The following SLC12A4 variants were observed in gnomAD, a reference collection of about 807,000 sequenced individuals.
The protein encoded by SLC12A4 is electroneutral potassium-chloride cotransporter 1.
A neutral mutation model predicts 119.2 loss-of-function variants in SLC12A4; 84 were observed. The ratio of observed to expected loss-of-function variants is 0.70; its 90% confidence interval spans 0.59 to 0.85. SLC12A4 has a LOEUF of 0.85. Among genes scored for constraint, SLC12A4 ranks in the 40% least tolerant of loss-of-function variants. The pLI is 0.00. For synonymous variants in SLC12A4, 599 were observed against 604.6 expected (o/e 0.99, Z 0.14); for missense variants, 1,298 against 1,476.3 (o/e 0.88, Z 1.98).
Position 67,950,633 on chromosome 16 carries a change from A to C in SLC12A4, c.1454+21T>G. Reference sequence around the variant, plus strand: ...GGCCAAAGCCCAGCCGCTGCTAAAGAGGGGGGCCCAGCTCACTCACTTGTC... The same window carrying C: ...GGCCAAAGCCCAGCCGCTGCTAAAGCGGGGGGCCCAGCTCACTCACTTGTC... On this transcript the variant is annotated intron_variant, in intron 11 of 23. Transcript: ENST00000316341. The surrounding 1 kb of genome is among the most constrained non-coding windows in gnomAD (Gnocchi z 4.3). The C allele has an allele frequency of 6.2e-7, 1 of 1,610,884 alleles. No individual in the cohort carries two copies. The highest frequency in any genetic ancestry group is 2.2e-5 in the East Asian group (1 of 44,668).
rs1200874253 is a variant in SLC12A4 at position 67,967,151 on chromosome 16, A to G, written c.115+1288T>C. 2.0e-5 allele frequency among the ~76,000 whole-genome samples: 3 copies of G among 152,210 alleles called. No individual in the cohort carries two copies. The South Asian group carries it at 6.2e-4, about 31-fold the overall frequency. ...CTGTCAAGCCTGTAAAACCTCTGCA[A>G]TGTCCAGCAGCCCATGCCACTGTCC... On this transcript the variant is annotated intron_variant, in intron 1 of 23. Transcript: ENST00000316341.
In SLC12A4 at chr16:67,951,280, T is replaced by C. The variant is rs759740648; in HGVS notation, c.1157A>G (p.Glu386Gly). The C allele has an allele frequency of 6.2e-7, 1 of 1,613,836 alleles. No individual in the cohort carries two copies. Among genetic ancestry groups the C allele is most frequent in the South Asian group, 1.1e-5 (1 of 91,036 alleles). The change falls in exon 9 of 24, where the codon GAG becomes GGG. Residue 386 changes from glutamate to glycine, a missense_variant. Coordinates refer to ENST00000316341, the MANE Select transcript of SLC12A4 (RefSeq NM_005072.5). This position sits in a 1 kb window ranked among gnomAD's most constrained non-coding sequence, Gnocchi z 5.2. Reference sequence around the variant, plus strand: ...ATGCTTCTCCACGATGTCACCCTTCTCCAGGTAGGCGCTCCACAGGTTTTC... The same window carrying C: ...ATGCTTCTCCACGATGTCACCCTTCCCCAGGTAGGCGCTCCACAGGTTTTC... Reference protein sequence around the residue: ...LQENLWSAYLEKGDIVEKHGL... With the variant: ...LQENLWSAYLGKGDIVEKHGL...
Position 67,951,815 on chromosome 16 carries a change from G to A in SLC12A4, c.1132+8C>T. 1.2e-6 allele frequency: 2 copies of A among 1,607,872 alleles called. No homozygotes were observed. Among genetic ancestry groups the A allele is most frequent in the South Asian group, 1.1e-5 (1 of 90,446 alleles). ...CTCAAGAGCAAGACGACGGGAGGGAGGACCCACCCTGGAGCACACCAGCAG... is the reference window on the plus strand; with the variant it reads ...CTCAAGAGCAAGACGACGGGAGGGAAGACCCACCCTGGAGCACACCAGCAG... On this transcript the variant is annotated splice_region_variant and intron_variant, in intron 8 of 23. Coordinates refer to ENST00000316341, the MANE Select transcript of SLC12A4 (RefSeq NM_005072.5). The surrounding 1 kb of genome is among the most constrained non-coding windows in gnomAD (Gnocchi z 5.2).
In SLC12A4 at chr16:67,946,572, C is replaced by CTGG. The variant is rs750319534; in HGVS notation, c.2300_2302dup (p.Ala767_Ser768insThr). On this transcript the variant is annotated inframe_insertion, in exon 18 of 24. Coordinates refer to ENST00000316341, the MANE Select transcript of SLC12A4 (RefSeq NM_005072.5). ...GTGGGCCAGCCCCTCCCGCACCTTG[C>CTGG]TGGCCACCACCACCTGGCAGAAGCC... 1 of 1,612,954 alleles carries CTGG rather than the reference C, an allele frequency of 6.2e-7. No homozygotes were observed. The highest frequency in any genetic ancestry group is 8.5e-7 in the Non-Finnish European group (1 of 1,180,024).
rs752174109 is a variant in SLC12A4 at position 67,947,799 on chromosome 16, G to C, written c.1848-11C>G. On this transcript the variant is annotated splice_polypyrimidine_tract_variant and intron_variant, in intron 14 of 23. Coordinates refer to ENST00000316341, the MANE Select transcript of SLC12A4 (RefSeq NM_005072.5). Reference sequence around the variant, plus strand: ...AGGAAGGACAGCGCCCTGGACGAGAGGGGAGGGCAGAGTCAGGGCAGGACC... The same window carrying C: ...AGGAAGGACAGCGCCCTGGACGAGACGGGAGGGCAGAGTCAGGGCAGGACC... 3.2e-6 allele frequency: 5 copies of C among 1,578,718 alleles called. No individual in the cohort carries two copies.
chr16:67,962,506 G>A (rs888462536), intron 2 of SLC12A4: 3 of 152,270 alleles, frequency 2.0e-5, no homozygotes, highest in African/African-American at 7.2e-5. Context: ...AGTTGCTTTG[G>A]TGTGAGAAAG....
intron 1 of SLC12A4, among the ~76,000 whole-genome samples, chr16:67,965,820 A>G (rs753497344): frequency 6.6e-6 from 1 of 152,168 alleles, no homozygotes; most frequent in Non-Finnish European, 1.5e-5. Flanking sequence ...ATTCCAGTAG[A>G]GAGCATTTAC....
intron 3 of SLC12A4, among the ~76,000 whole-genome samples, chr16:67,958,882 T>A (rs915720764): frequency 3.9e-5 from 6 of 152,140 alleles, no homozygotes; most frequent in African/African-American, 1.4e-4. Flanking sequence ...GTGGAGTTGG[T>A]TCTCCCTCTC....
At chr16:67,964,164 G>A in intron 1 of SLC12A4, 1 of 1,415,408 alleles carries the variant, frequency 7.1e-7, no homozygotes, top group Non-Finnish European at 9.4e-7. Flanking sequence ...GCCTTCTAGG[G>A]TTGCCTAAGA....
In SLC12A4 at chr16:67,943,771, G is replaced by A; in HGVS notation, c.*1069C>T. The A allele has an allele frequency of 1.6e-6, 1 of 630,622 alleles. No homozygotes were observed. Among genetic ancestry groups the A allele is most frequent in the Non-Finnish European group, 2.7e-6 (1 of 369,388 alleles). The allele number at this position is 630,622 out of a possible 1,614,324, so 39.1% of individuals were successfully genotyped here. On this transcript the variant is annotated 3_prime_UTR_variant, in exon 24 of 24. Transcript: ENST00000316341. The surrounding 1 kb of genome is among the most constrained non-coding windows in gnomAD (Gnocchi z 4.6). ...ACAACTGAGAGTCACAGTGTGGTGG[G>A]AGAAGGGACGTCATTCCTCTAAGGG...
At chr16:67,954,369 A>G in intron 6 of SLC12A4, 1 of 492,814 alleles carries the variant, frequency 2.0e-6, no homozygotes. Flanking sequence ...AGTTCCTGGA[A>G]CCCTTGCCAT....
chr16:67,966,682 A>C, intron 1 of SLC12A4: 11 of 1,536,058 alleles, frequency 7.2e-6, no homozygotes, highest in African/African-American at 2.7e-5. Context: ...GGCAGGAGAT[A>C]GATCTGAGGC....
At chr16:67,963,603 C>T (rs1186991736) in intron 1 of SLC12A4, 44 bp from the exon 2 acceptor site, 1 of 1,394,054 alleles carries the variant, frequency 7.2e-7, no homozygotes, top group African/African-American at 1.5e-5. Context: ...CCTGAGCCCC[C>T]CAGCCTGGGC....
At chr16:67,964,040 G>A in intron 1 of SLC12A4, 1 of 1,550,602 alleles carries the variant, frequency 6.4e-7, no homozygotes, top group Non-Finnish European at 8.7e-7. Flanking sequence ...CCCAAAGGTG[G>A]CCGGCTGGCT....
chr16:67,952,217 C>A lies in SLC12A4; in HGVS notation c.884G>T (p.Gly295Val). The A allele has an allele frequency of 6.2e-7, 1 of 1,614,070 alleles. No homozygotes were observed. Among genetic ancestry groups the A allele is most frequent in the Non-Finnish European group, 8.5e-7 (1 of 1,180,020 alleles). The change falls in exon 7 of 24, where the codon GGC becomes GTC. Residue 295 changes from glycine to valine, a missense_variant. Coordinates refer to ENST00000316341, the MANE Select transcript of SLC12A4 (RefSeq NM_005072.5). Reference protein sequence around the residue: ...IISILSIYAGGIKSIFDPPVF... With the variant: ...IISILSIYAGVIKSIFDPPVF... ...GGGAGGGTCAAATATAGACTTTATG[C>A]CCCCAGCATAGATGGAGAGGATGGA...
Position 67,945,953 on chromosome 16 carries a change from TCTC to T in SLC12A4, c.2734_2736del (p.Glu912del). The T allele has an allele frequency of 6.2e-7, 1 of 1,613,278 alleles. No homozygotes were observed. Among genetic ancestry groups the T allele is most frequent in the Non-Finnish European group, 8.5e-7 (1 of 1,179,428 alleles). ...CCAGGGCAGGGCAGAGGGCTCACCA[TCTC>T]CACCACCTCCACCTCGGCCTCAAGG... On this transcript the variant is annotated inframe_deletion, in exon 20 of 24. Coordinates refer to ENST00000316341, the MANE Select transcript of SLC12A4 (RefSeq NM_005072.5).
In SLC12A4 at chr16:67,945,775, G is replaced by A. The variant is rs145509604; in HGVS notation, c.2836C>T (p.Arg946Trp). The change falls in exon 21 of 24, where the codon CGG (arginine) becomes TGG (tryptophan). Residue 946 changes from arginine to tryptophan, a missense_variant. Transcript: ENST00000316341. ...LRQMRLTKTE[R>W]EREAQLVKDR... The stretch of plus-strand genomic sequence containing the variant: ...CAAAGGGCACTGACTTCTCGCTCCC[G>A]CTCAGTCTTGGTCAGTCTCATCTGC... 181 of 1,613,230 alleles carry A rather than the reference G, an allele frequency of 1.1e-4. No individual in the cohort carries two copies. The African/African-American group carries it at 1.8e-3, about 16-fold the overall frequency.
chr16:67,944,934 G>A lies in SLC12A4; in HGVS notation c.3167-3C>T. On this transcript the variant is annotated splice_polypyrimidine_tract_variant and splice_region_variant and intron_variant, in intron 23 of 23. Coordinates refer to ENST00000316341, the MANE Select transcript of SLC12A4 (RefSeq NM_005072.5). This position sits in a 1 kb window ranked among gnomAD's most constrained non-coding sequence, Gnocchi z 6.6. ...CAGCACCTCGAGGAACTCCATGTCT[G>A]CAGGGCCTCAAGTCAAGGAGGCAAC... 6.2e-7 allele frequency: 1 copy of A among 1,613,262 alleles called. No homozygotes were observed. Among genetic ancestry groups the A allele is most frequent in the Non-Finnish European group, 8.5e-7 (1 of 1,179,994 alleles).
chr16:67,947,893 AGGTG>A, intron 14 of SLC12A4, 105 bp from the exon 15 acceptor site: 1 of 1,511,638 alleles, frequency 6.6e-7, no homozygotes, highest in Non-Finnish European at 9.0e-7. Context: ...GGGAGGTCCC[AGGTG>A]GGTGGTCAGG....
Sources: allele counts gnomAD v4.1 joint callset (sites outside exome capture counted in the v4.1 genomes callset), GRCh38; gene constraint gnomAD v4.1.1; non-coding constraint Gnocchi (gnomAD v3.1); transcripts MANE v1.5; gene names NCBI Gene and HGNC (gene_info 2026-07-23, HGNC 2026-07-21).